The following KCNAB1 variants were observed in gnomAD, a reference collection of about 807,000 sequenced individuals.
KCNAB1 encodes the protein voltage-gated potassium channel subunit beta-1.
Under a neutral mutation model 64.6 loss-of-function variants are expected in KCNAB1, and 35 were observed. The ratio of observed to expected loss-of-function variants is 0.54; its 90% CI spans 0.41 to 0.72. KCNAB1 has a LOEUF of 0.72. Ranked by LOEUF, KCNAB1 falls within the 30% of genes least tolerant of loss-of-function variation. The pLI, the probability that KCNAB1 is intolerant of heterozygous loss-of-function variation, is 0.00. For synonymous variants in KCNAB1, 177 were observed against 183.8 expected (o/e 0.96, Z 0.30); for missense variants, 401 against 512.9 (o/e 0.78, Z 2.11).
chr3:156,446,025 T>C (rs763384131), intron 2 of KCNAB1: 1 of 152,212 alleles, frequency 6.6e-6, no homozygotes, highest in Non-Finnish European at 1.5e-5. Flanking sequence ...AAGACATACT[T>C]TAACTCACCA....
intron 1 of KCNAB1, among the ~76,000 whole-genome samples, chr3:156,310,498 T>C (rs962239010): frequency 9.2e-5 from 14 of 151,480 alleles, no homozygotes; most frequent in African/African-American, 3.2e-4. Flanking sequence ...ACCAGAGGAG[T>C]TGATAAGAAG....
chr3:156,214,801 AG>A (rs1715217928), intron 1 of KCNAB1, among the ~76,000 whole-genome samples: 1 of 152,216 alleles, frequency 6.6e-6, no homozygotes, highest in Non-Finnish European at 1.5e-5. Flanking sequence ...ATGTCTTCCC[AG>A]TGAGTGTAAT....
At chr3:156,183,386 C>A (rs1333469625) in intron 1 of KCNAB1, among the ~76,000 whole-genome samples, 1 of 152,146 alleles carries the variant, frequency 6.6e-6, no homozygotes, top group East Asian at 1.9e-4. Flanking sequence ...GCTATTAGGA[C>A]CCAGACCCAG....
intron 1 of KCNAB1, among the ~76,000 whole-genome samples, chr3:156,131,450 C>T (rs1011814282): frequency 3.2e-4 from 48 of 152,218 alleles, no homozygotes; most frequent in Admixed American, 1.4e-3. Flanking sequence ...TTAAACTAGG[C>T]TTCCCGCCAG....
intron 1 of KCNAB1, chr3:156,291,256 G>C (rs189081239): frequency 7.6e-5 from 75 of 986,696 alleles, no homozygotes; most frequent in Non-Finnish European, 5.4e-5. Context: ...GCTTTCGCTC[G>C]AGAATGAGTG....
chr3:156,169,440 G>C (rs1711820678), intron 1 of KCNAB1, among the ~76,000 whole-genome samples: 1 of 152,148 alleles, frequency 6.6e-6, no homozygotes, highest in East Asian at 1.9e-4. Context: ...ATTTAGTCAG[G>C]AATGACTGAG....
intron 1 of KCNAB1, among the ~76,000 whole-genome samples, chr3:156,196,068 G>A (rs185827411): frequency 1.3e-5 from 2 of 152,164 alleles, no homozygotes; most frequent in East Asian, 3.9e-4. Flanking sequence ...TCTTGTTTTT[G>A]TCAGGTTTGT....
intron 1 of KCNAB1, among the ~76,000 whole-genome samples, chr3:156,321,899 G>A (rs1486082945): frequency 6.6e-6 from 1 of 152,128 alleles, no homozygotes; most frequent in Non-Finnish European, 1.5e-5. Flanking sequence ...TGTTTGTTAC[G>A]TTCCAAAATC....
chr3:156,193,159 A>T (rs1713671166), intron 1 of KCNAB1, among the ~76,000 whole-genome samples: 1 of 151,354 alleles, frequency 6.6e-6, no homozygotes, highest in Non-Finnish European at 1.5e-5. Context: ...ATTAGTTATA[A>T]CTCTATTTTG....
At chr3:156,261,735 C>A (rs1008356854) in intron 1 of KCNAB1, among the ~76,000 whole-genome samples, 1 of 151,920 alleles carries the variant, frequency 6.6e-6, no homozygotes, top group Non-Finnish European at 1.5e-5. Flanking sequence ...CATTTCCATA[C>A]ACATTTTCAA....
chr3:156,231,493 C>CCCCTCCCCTCCCCT (rs1716523660), intron 1 of KCNAB1, among the ~76,000 whole-genome samples: 1 of 117,330 alleles, frequency 8.5e-6, no homozygotes, highest in Admixed American at 8.5e-5. Flanking sequence ...CCCCTCCCCT[C>CCCCTCCCCTCCCCT]CCCTCCCTCC....
At chr3:156,350,108 G>T (rs180873090) in intron 1 of KCNAB1, among the ~76,000 whole-genome samples, 3 of 152,186 alleles carry the variant, frequency 2.0e-5, no homozygotes, top group Non-Finnish European at 2.9e-5. Context: ...TTATGCTGTT[G>T]TTACCTGTGT....
chr3:156,512,539 T>G (rs1717282147), intron 8 of KCNAB1, among the ~76,000 whole-genome samples: 1 of 152,242 alleles, frequency 6.6e-6, no homozygotes, highest in African/African-American at 2.4e-5. Context: ...TTGGCTGAAC[T>G]CCCAGCTCTG....
At chr3:156,352,876 C>T (rs1308005097) in intron 1 of KCNAB1, among the ~76,000 whole-genome samples, 1 of 152,258 alleles carries the variant, frequency 6.6e-6, no homozygotes, top group African/African-American at 2.4e-5. Flanking sequence ...GGATTCTGCA[C>T]AGTGGGAAGT....
chr3:156,127,916 T>TGTGTGC (rs1713756303), intron 1 of KCNAB1, among the ~76,000 whole-genome samples: 1 of 150,040 alleles, frequency 6.7e-6, no homozygotes, highest in Non-Finnish European at 1.5e-5. Flanking sequence ...TGTGTGTGTG[T>TGTGTGC]GTGCACGTGC....
At chr3:156,242,869 T>A (rs1385619385) in intron 1 of KCNAB1, among the ~76,000 whole-genome samples, 2 of 151,624 alleles carry the variant, frequency 1.3e-5, no homozygotes, top group East Asian at 3.8e-4. Context: ...AGATGTCTGA[T>A]CATCCTTGAT....
At chr3:156,183,672 G>A (rs550075830) in intron 1 of KCNAB1, among the ~76,000 whole-genome samples, 1 of 152,170 alleles carries the variant, frequency 6.6e-6, no homozygotes, top group African/African-American at 2.4e-5. Context: ...AGTTGCAGGG[G>A]TTTGTAGTAC....
intron 10 of KCNAB1, 73 bp from the exon 11 acceptor site, chr3:156,516,197 C>T (rs1376339148): frequency 9.9e-7 from 1 of 1,005,930 alleles, no homozygotes; most frequent in African/African-American, 1.6e-5. Flanking sequence ...TGTTTAAACA[C>T]TACTGCCCCC....
intron 1 of KCNAB1, among the ~76,000 whole-genome samples, chr3:156,168,370 A>G (rs1711741036): frequency 6.6e-6 from 1 of 152,220 alleles, no homozygotes; most frequent in Admixed American, 6.5e-5. Context: ...TTATCATTTA[A>G]AGAGACAACA....
Sources: allele counts gnomAD v4.1 joint callset (sites outside exome capture counted in the v4.1 genomes callset), GRCh38; gene constraint gnomAD v4.1.1; transcripts MANE v1.5; gene names NCBI Gene and HGNC (gene_info 2026-07-23, HGNC 2026-07-21).